BOK: variants seen among roughly 807,000 people sequenced by gnomAD.
BOK encodes the protein bcl-2-related ovarian killer protein.
In BOK, 20 loss-of-function variants were observed where a neutral mutation model predicts 18.3. The ratio of observed to expected loss-of-function variants is 1.09; its 90% CI spans 0.77 to 1.59. The LOEUF (loss-of-function observed/expected upper bound fraction) is 1.59, where lower values mean the gene tolerates loss of function less well. Among genes scored for constraint, BOK ranks in the 40% most tolerant of loss-of-function variants. BOK has a pLI of 0.00. For synonymous variants in BOK, 173 were observed against 142.4 expected (o/e 1.21, Z -1.53); for missense variants, 348 against 307.9 (o/e 1.13, Z -0.97).
chr2:241,573,154 A>AC lies in BOK; in HGVS notation c.*733dup, dbSNP rs781588471. 123 of 120,816 alleles carry AC rather than the reference A, an allele frequency of 1.0e-3. 10 individuals carry two copies. The highest frequency in any genetic ancestry group is 3.9e-3 in the South Asian group (11 of 2,806). The allele number at this position is 120,816 out of a possible 1,614,324, so 7.5% of individuals were successfully genotyped here. A position where few individuals can be genotyped will look rare whatever the true frequency, so the allele number is the denominator to read the frequency against. On this transcript the variant is annotated 3_prime_UTR_variant, in exon 5 of 5. Coordinates refer to ENST00000318407, the MANE Select transcript of BOK (RefSeq NM_032515.5). ...AGCCCCTGGTGAAGGGGCCCGGAAC[A>AC]CTTGCTCTCACCTGAGCCCCAGGTG... is the stretch of plus-strand genomic sequence containing the variant.
rs1185788240 is a variant in BOK, at chr2:241,566,341, A to C, written c.350-3784A>C. ...AGATGGAGTTTCACTCTTGTTGCCC[A>C]GGCTGGAGGTGCAATGGTGCGATCT... On this transcript the variant is annotated intron_variant, in intron 3 of 4. Coordinates refer to ENST00000318407, the MANE Select transcript of BOK (RefSeq NM_032515.5). 2.1e-5 allele frequency among the ~76,000 whole-genome samples: 3 copies of C among 143,070 alleles called. No homozygotes were observed. The East Asian group carries it at 6.3e-4, about 30-fold the overall frequency. The allele number at this position is 143,070 out of a possible 152,430, so 93.9% of individuals were successfully genotyped here.
intron 3 of BOK, among the ~76,000 whole-genome samples, chr2:241,565,062 C>T (rs918782068): frequency 2.6e-5 from 4 of 152,118 alleles, no homozygotes; most frequent in East Asian, 1.9e-4. Context: ...GCTGGACGAG[C>T]GGGCACACAG....
rs770111647 is a variant in BOK, at chr2:241,559,502, T to TCCTCGGTCTTCGCCGCC, written c.20_36dup (p.Glu13ProfsTer73). The TCCTCGGTCTTCGCCGCC allele has an allele frequency of 1.3e-5, 19 of 1,485,594 alleles. No individual in the cohort carries two copies. The highest frequency in any genetic ancestry group is 6.9e-5 in the Admixed American group (3 of 43,634). 92.0% of individuals were successfully genotyped at this position (1,485,594 alleles called of 1,614,324 possible). Reference sequence around the variant, plus strand: ...CGCCGCCATGGAGGTGCTGCGGCGCTCCTCGGTCTTCGCCGCCGAGATCAT... The same window carrying TCCTCGGTCTTCGCCGCC: ...CGCCGCCATGGAGGTGCTGCGGCGCTCCTCGGTCTTCGCCGCCCCTCGGTCTTCGCCGCCGAGATCAT... On this transcript the variant is annotated frameshift_variant, in exon 2 of 5. Transcript: ENST00000318407. LOFTEE classifies it high-confidence loss of function.
At chr2:241,559,433 G>A in intron 1 of BOK, 22 bp from the exon 2 acceptor site, 3 of 1,335,336 alleles carry the variant, frequency 2.2e-6, no homozygotes, top group South Asian at 1.9e-5. Context: ...CCCTCCACCC[G>A]GCTGAGCGCT....
intron 4 of BOK, among the ~76,000 whole-genome samples, chr2:241,570,973 A>G (rs1370213564): frequency 3.3e-5 from 4 of 119,910 alleles, no homozygotes; most frequent in African/African-American, 1.4e-4. Flanking sequence ...GGAGTGGCGG[A>G]TGGGTGAGTG....
At chr2:241,557,610 C>A (rs770349333), upstream of BOK, among the ~76,000 whole-genome samples, 10 of 152,114 alleles carry the variant, frequency 6.6e-5, no homozygotes, top group African/African-American at 2.2e-4. Context: ...TTTCACCTGG[C>A]CTAATTTTCA....
At chr2:241,555,953 T>C (rs1416218585), upstream of BOK, among the ~76,000 whole-genome samples, 1 of 152,156 alleles carries the variant, frequency 6.6e-6, no homozygotes. Context: ...AGGTGTGAGC[T>C]TCCTGGTCTC....
At chr2:241,567,250 C>T (rs1310225974) in intron 3 of BOK, among the ~76,000 whole-genome samples, 1 of 132,772 alleles carries the variant, frequency 7.5e-6, no homozygotes, top group Non-Finnish European at 1.6e-5. Flanking sequence ...CTTCACCCTC[C>T]TGAGTAGCTG....
At chr2:241,557,372 T>C (rs1489229408), upstream of BOK, among the ~76,000 whole-genome samples, 2 of 150,364 alleles carry the variant, frequency 1.3e-5, no homozygotes, top group African/African-American at 4.9e-5. Flanking sequence ...GCAGGTGGGA[T>C]GATCTCTGCT....
rs1559201177 is a variant in BOK at position 241,562,333 on chromosome 2, CTT to C, written c.221-14_221-13del. 1.3e-6 allele frequency: 2 copies of C among 1,588,416 alleles called. No individual in the cohort carries two copies. Among genetic ancestry groups the C allele is most frequent in the Non-Finnish European group, 1.7e-6 (2 of 1,168,228 alleles). ...GGACGTGGGCTGCCTCTCACCTGCT[CTT>C]GTGACCACACAGGCGATGAGCTGGA... On this transcript the variant is annotated splice_polypyrimidine_tract_variant and intron_variant, in intron 2 of 4. Coordinates refer to ENST00000318407, the MANE Select transcript of BOK (RefSeq NM_032515.5). The surrounding 1 kb of genome is among the most constrained non-coding windows in gnomAD (Gnocchi z 4.5).
At chr2:241,559,044 G>C (rs1194444099) in intron 1 of BOK, 51 bp downstream of exon 1, 1 of 151,816 alleles carries the variant, frequency 6.6e-6, no homozygotes, top group Non-Finnish European at 1.5e-5. Context: ...GGTGCCACGG[G>C]AACGGCGAGG....
chr2:241,559,933 C>G, intron 2 of BOK: 1 of 606,336 alleles, frequency 1.6e-6, no homozygotes, highest in Non-Finnish European at 2.1e-6. Flanking sequence ...TTCAGTCATG[C>G]TGGCCATAAA....
rs554261542 is a variant in BOK, at chr2:241,559,950, A to C, written c.220+247A>C. The C allele has an allele frequency of 8.6e-5, 56 of 648,462 alleles. No individual in the cohort carries two copies. The South Asian group carries it at 3.0e-3, about 34-fold the overall frequency. The allele number at this position is 648,462 out of a possible 1,614,324, so 40.2% of individuals were successfully genotyped here. ...CAGTCATGCTGGCCATAAACAATAG[A>C]AAGCTCCAGAAAGAATAATCTATTA... On this transcript the variant is annotated intron_variant, in intron 2 of 4. Transcript: ENST00000318407.
chr2:241,572,192 T>C (rs1255814991), intron 4 of BOK, 105 bp from the exon 5 acceptor site: 3 of 1,507,600 alleles, frequency 2.0e-6, no homozygotes, highest in East Asian at 4.7e-5. Context: ...ATTCCCTTCA[T>C]GCAATTTTGC....
Position 241,572,579 on chromosome 2 carries a change from G to A in BOK, c.*157G>A, listed in dbSNP as rs1197196993. ...GTTCCTCCGCAGACCCAGGCCCTCC[G>A]GAAGGGGTGAGTGGGGAGGGGCTTT... On this transcript the variant is annotated 3_prime_UTR_variant, in exon 5 of 5. Coordinates refer to ENST00000318407, the MANE Select transcript of BOK (RefSeq NM_032515.5). 35 of 1,195,118 alleles carry A rather than the reference G, an allele frequency of 2.9e-5. No homozygotes were observed. Among genetic ancestry groups the A allele is most frequent in the Non-Finnish European group, 3.7e-5 (32 of 872,420 alleles). 74.0% of individuals were successfully genotyped at this position (1,195,118 alleles called of 1,614,324 possible).
chr2:241,559,712 G>A lies in BOK; in HGVS notation c.220+9G>A, dbSNP rs1166220678. On this transcript the variant is annotated intron_variant, in intron 2 of 4. Transcript: ENST00000318407. ...GGTGCTGCTGCGCCTGGGTGAGTGC[G>A]CCCTGGTGGGATCCCCAGCTGCGCC... The A allele has an allele frequency of 6.2e-6, 8 of 1,298,870 alleles. No individual in the cohort carries two copies. Among genetic ancestry groups the A allele is most frequent in the Non-Finnish European group, 7.8e-6 (8 of 1,026,820 alleles). The allele number at this position is 1,298,870 out of a possible 1,614,324, so 80.5% of individuals were successfully genotyped here.
chr2:241,572,024 G>A (rs576660638), intron 4 of BOK, among the ~76,000 whole-genome samples: 2 of 152,332 alleles, frequency 1.3e-5, no homozygotes, highest in South Asian at 2.1e-4. Flanking sequence ...TCTCCTGCTC[G>A]GCAGGGGCCC....
At position 241,571,771 on chromosome 2, in the gene BOK, C is replaced by T. The variant is rs141020478; in HGVS notation, c.514-526C>T. On this transcript the variant is annotated intron_variant, in intron 4 of 4. Transcript: ENST00000318407. ...AGAGAATTGGACGTTCATTCACTTC[C>T]CCAGAAGGAACTTCAGAGTCCAGGG... Among the ~76,000 whole-genome samples the T allele has an allele frequency of 9.6e-3, 1,462 of 152,352 alleles. 23 individuals carry two copies. The highest frequency in any genetic ancestry group is 0.033 in the African/African-American group (1,392 of 41,576).
At chr2:241,566,245 C>G (rs918095202) in intron 3 of BOK, among the ~76,000 whole-genome samples, 2 of 151,832 alleles carry the variant, frequency 1.3e-5, no homozygotes, top group Non-Finnish European at 2.9e-5. Context: ...GATTGTGCCA[C>G]TGCTCTCCAG....
Sources: gnomAD v4.1 joint callset for allele counts (sites outside exome capture counted in the v4.1 genomes callset) on GRCh38, gnomAD v4.1.1 for gene constraint, Gnocchi (gnomAD v3.1) non-coding constraint, MANE v1.5 for transcripts, NCBI Gene and HGNC (gene_info 2026-07-23, HGNC 2026-07-21) for gene names.